ZNF845: variants seen among roughly 807,000 people sequenced by gnomAD.
The protein encoded by ZNF845 is zinc finger protein 845.
In ZNF845, 59 loss-of-function variants were observed where a neutral mutation model predicts 76.1. The observed-to-expected ratio is 0.78, with a 90% CI of 0.63 to 0.96. The LOEUF (loss-of-function observed/expected upper bound fraction) is 0.96. Among genes scored for constraint, ZNF845 ranks in the 40% least tolerant of loss-of-function variants. The pLI, the probability that ZNF845 is intolerant of heterozygous loss-of-function variation, is 0.00. For missense variants in ZNF845, 1,045 were observed against 1,172.8 expected (o/e 0.89, Z 1.59); for synonymous variants, 361 against 386.9 (o/e 0.93, Z 0.78).
At chr19:53,345,673 T>C (rs774231158) in intron 3 of ZNF845, 41 bp downstream of exon 3, 16 of 1,603,104 alleles carry the variant, frequency 1.0e-5, no homozygotes, top group South Asian at 1.1e-5. Flanking sequence ...TGTGCCCTTG[T>C]GTATCTTTGT....
At chr19:53,335,218 GA>G (rs545221688) in intron 1 of ZNF845, among the ~76,000 whole-genome samples, 49 of 151,976 alleles carry the variant, frequency 3.2e-4, no homozygotes, top group African/African-American at 1.1e-3. Context: ...TGAAGTGGGA[GA>G]AAAAAATCAC....
chr19:53,339,875 A>G (rs746696123), intron 1 of ZNF845, among the ~76,000 whole-genome samples: 7 of 152,126 alleles, frequency 4.6e-5, no homozygotes, highest in Non-Finnish European at 8.8e-5. Context: ...TGCTTTATCC[A>G]GGTTATTTTT....
Position 53,352,948 on chromosome 19 carries a change from G to A in ZNF845, c.2273G>A (p.Arg758His), listed in dbSNP as rs559587756. ...GAAGAATGTGACAAAGTTTTCAGTCGCAAATCAAGCCTTGAAAAACACAGG... is the reference window on the plus strand; with the variant it reads ...GAAGAATGTGACAAAGTTTTCAGTCACAAATCAAGCCTTGAAAAACACAGG... ...KCEECDKVFS[R>H]KSSLEKHRRI... The change falls in exon 4 of 4, where the codon CGC (arginine) becomes CAC (histidine). Residue 758 changes from arginine (R) to histidine (H), a missense_variant. By Grantham distance (29) the Arg-to-His change is conservative. Coordinates refer to ENST00000458035, the MANE Select transcript of ZNF845 (RefSeq NM_138374.3). 2.2e-4 allele frequency: 360 copies of A among 1,613,658 alleles called. 2 individuals carry two copies. The highest frequency in any genetic ancestry group is 1.9e-3 in the South Asian group (172 of 91,052).
intron 2 of ZNF845, among the ~76,000 whole-genome samples, chr19:53,344,751 C>A (rs542962203): frequency 5.4e-4 from 82 of 151,966 alleles, no homozygotes; most frequent in Non-Finnish European, 9.0e-4. Context: ...CTTCCACAGC[C>A]TCCCAGGTAG....
chr19:53,351,276 T>C lies in ZNF845; in HGVS notation c.601T>C (p.Leu201=). 6.2e-7 allele frequency: 1 copy of C among 1,614,226 alleles called. No homozygotes were observed. Among genetic ancestry groups the C allele is most frequent in the Middle Eastern group, 1.6e-4 (1 of 6,062 alleles). ...TGGGAATAATTTCCTGAATTCTTCA[T>C]TACTCACACAAAAGCAGGAAGTACA... ...NYGNNFLNSS[L]LTQKQEVHMR... The change falls in exon 4 of 4, where the codon TTA becomes CTA. Residue 201 remains leucine (L), a synonymous_variant. Transcript: ENST00000458035.
At chr19:53,349,075 C>T (rs1568739497) in intron 3 of ZNF845, among the ~76,000 whole-genome samples, 1 of 151,744 alleles carries the variant, frequency 6.6e-6, no homozygotes. Flanking sequence ...GGCCAGGCTG[C>T]TCTTGAACTC....
intron 2 of ZNF845, among the ~76,000 whole-genome samples, 169 bp downstream of exon 2, chr19:53,341,491 GAC>G (rs1280281829): frequency 6.6e-6 from 1 of 152,012 alleles, no homozygotes; most frequent in Non-Finnish European, 1.5e-5. Flanking sequence ...CATCTCTTGT[GAC>G]ACAGTGACAT....
Position 53,351,942 on chromosome 19 carries a change from A to G in ZNF845, c.1267A>G (p.Met423Val), listed in dbSNP as rs747960352. ...CNDCGKTFSQ[M>V]SSLVYHRRLH... ...TGATTGTGGCAAGACCTTCAGTCAG[A>G]TGTCATCCCTTGTATACCATCGTAG... Residue 423 changes from methionine (M) to valine (V), a missense_variant, in exon 4 of 4, where the codon ATG (methionine) becomes GTG (valine). Met to Val is a conservative substitution (Grantham distance 21, BLOSUM62 1). Transcript: ENST00000458035. The G allele has an allele frequency of 1.2e-6, 2 of 1,613,840 alleles. No homozygotes were observed. Among genetic ancestry groups the G allele is most frequent in the Non-Finnish European group, 1.7e-6 (2 of 1,179,952 alleles).
Position 53,349,203 on chromosome 19 carries a change from C to T in ZNF845, c.143-1615C>T, listed in dbSNP as rs548995091. Among the ~76,000 whole-genome samples the T allele has an allele frequency of 1.2e-4, 18 of 152,024 alleles. No individual in the cohort carries two copies. In the South Asian group the frequency reaches 1.5e-3, roughly 12 times the overall value. ...ATAATGCTGTGTGTTTTTTTGACCT[C>T]GTACATCAGAAGGTAATGATCTTAA... On this transcript the variant is annotated intron_variant, in intron 3 of 3. Transcript: ENST00000458035.
At position 53,352,570 on chromosome 19, in the gene ZNF845, A is replaced by C; in HGVS notation, c.1895A>C (p.Glu632Ala). 1 of 1,610,580 alleles carries C rather than the reference A, an allele frequency of 6.2e-7. No homozygotes were observed. The highest frequency in any genetic ancestry group is 1.1e-5 in the South Asian group (1 of 90,776). The change falls in exon 4 of 4, where the codon GAG becomes GCG. Residue 632 changes from glutamate to alanine, a missense_variant. Glu to Ala is a moderately radical substitution (Grantham distance 107, BLOSUM62 -1). Transcript: ENST00000458035. ...GTTCATTGGCGAACTCATAGTGGAG[A>C]GAAACCTTACAAATGTGAAGAATGT... is the stretch of plus-strand genomic sequence containing the variant. ...LAVHWRTHSG[E>A]KPYKCEECDE... is the part of the protein sequence containing the mutation.
intron 2 of ZNF845, among the ~76,000 whole-genome samples, chr19:53,345,286 G>A (rs1409544300): frequency 3.3e-5 from 5 of 151,934 alleles, no homozygotes; most frequent in African/African-American, 9.6e-5. Flanking sequence ...ACTGCACTCC[G>A]GCCTGGGTGA....
intron 1 of ZNF845, among the ~76,000 whole-genome samples, chr19:53,339,828 A>G (rs900172831): frequency 1.3e-5 from 2 of 152,240 alleles, no homozygotes; most frequent in African/African-American, 4.8e-5. Flanking sequence ...TGTCTGTGCC[A>G]GGGATCAAAA....
At position 53,352,021 on chromosome 19, in the gene ZNF845, G is replaced by C. The variant is rs1157764343; in HGVS notation, c.1346G>C (p.Ser449Thr). The C allele has an allele frequency of 1.9e-6, 3 of 1,613,784 alleles. No individual in the cohort carries two copies. The highest frequency in any genetic ancestry group is 4.5e-5 in the East Asian group (2 of 44,872). ...YKCEECDEAF[S>T]FKSNLERHRR... ...TGTGAAGAATGTGATGAAGCTTTCA[G>C]TTTCAAATCGAACCTTGAAAGACAT... Residue 449 changes from serine to threonine, a missense_variant, in exon 4 of 4, where the codon AGT (serine) becomes ACT (threonine). Ser to Thr is a moderately conservative substitution (Grantham distance 58, BLOSUM62 1). Transcript: ENST00000458035.
chr19:53,349,301 T>C (rs2085317892), intron 3 of ZNF845, among the ~76,000 whole-genome samples: 1 of 151,994 alleles, frequency 6.6e-6, no homozygotes, highest in East Asian at 1.9e-4. Flanking sequence ...TTTTTGTTTT[T>C]GTTTTTGTTT....
At chr19:53,339,546 G>A (rs373535798) in intron 1 of ZNF845, among the ~76,000 whole-genome samples, 10 of 152,278 alleles carry the variant, frequency 6.6e-5, no homozygotes, top group Non-Finnish European at 1.2e-4. Context: ...ACCATCCCAA[G>A]ACCCAACTAA....
chr19:53,351,714 A>G lies in ZNF845; in HGVS notation c.1039A>G (p.Arg347Gly), dbSNP rs1285467514. ...AACGTCATACCTTGTGTACCATCGT[A>G]GACTTCATACTGGAGAGAAACCTTA... ...SQTSYLVYHR[R>G]LHTGEKPYKC... is the part of the protein sequence containing the mutation. The change falls in exon 4 of 4, where the codon AGA becomes GGA. Residue 347 changes from arginine to glycine, a missense_variant. Arg to Gly is a moderately radical substitution (Grantham distance 125). Transcript: ENST00000458035. 1.2e-6 allele frequency: 2 copies of G among 1,614,122 alleles called. No homozygotes were observed. Among genetic ancestry groups the G allele is most frequent in the East Asian group, 4.5e-5 (2 of 44,876 alleles).
intron 1 of ZNF845, among the ~76,000 whole-genome samples, chr19:53,340,244 G>A (rs1158458972): frequency 6.6e-6 from 1 of 152,146 alleles, no homozygotes; most frequent in Non-Finnish European, 1.5e-5. Context: ...TAGAGACAGG[G>A]TTTCACCATG....
chr19:53,346,605 CG>C (rs1433995503), intron 3 of ZNF845, among the ~76,000 whole-genome samples: 1 of 152,140 alleles, frequency 6.6e-6, no homozygotes, highest in African/African-American at 2.4e-5. Context: ...TGCTTGAACC[CG>C]GGAGGCGGAG....
rs367669285 is a variant in ZNF845 at position 53,351,513 on chromosome 19, T to G, written c.838T>G (p.Phe280Val). The change falls in exon 4 of 4, where the codon TTC becomes GTC. Residue 280 changes from phenylalanine to valine, a missense_variant. Coordinates refer to ENST00000458035, the MANE Select transcript of ZNF845 (RefSeq NM_138374.3). Reference sequence around the variant, plus strand: ...CAAGTGTAATGATTGTGGCAAGACCTTCAGTCAGGAGTTAACCCTTACATG... The same window carrying G: ...CAAGTGTAATGATTGTGGCAAGACCGTCAGTCAGGAGTTAACCCTTACATG... ...PYKCNDCGKT[F>V]SQELTLTCHH... is the part of the protein sequence containing the mutation. 3.0e-5 allele frequency: 48 copies of G among 1,614,112 alleles called. No homozygotes were observed. The African/African-American group carries it at 5.9e-4, about 20-fold the overall frequency.
Sources: gnomAD v4.1 joint callset for allele counts (sites outside exome capture counted in the v4.1 genomes callset) on GRCh38, gnomAD v4.1.1 for gene constraint, MANE v1.5 for transcripts, NCBI Gene and HGNC (gene_info 2026-07-23, HGNC 2026-07-21) for gene names.